The following MBTPS1 variants were observed in gnomAD, a reference collection of about 807,000 sequenced individuals.
MBTPS1 encodes membrane bound transcription factor peptidase, site 1, also known as membrane-bound transcription factor site-1 protease.
A neutral mutation model predicts 127.8 loss-of-function variants in MBTPS1; 94 were observed. That is an observed-to-expected ratio of 0.74 (90% confidence interval 0.62 to 0.87). MBTPS1 has a LOEUF of 0.87. MBTPS1 is among the 40% of genes least tolerant of loss of function. The pLI is 0.00. For synonymous variants in MBTPS1, 632 were observed against 509.4 expected (o/e 1.24, Z -3.24); for missense variants, 1,636 against 1,353.2 (o/e 1.21, Z -3.28).
At chr16:84,059,606 G>A (rs991746452) in intron 20 of MBTPS1, 178 bp from the exon 21 acceptor site, 14 of 522,804 alleles carry the variant, frequency 2.7e-5, no homozygotes, top group Admixed American at 1.7e-4. Flanking sequence ...GGTTCCTCCC[G>A]GACAATGTGT....
At chr16:84,115,944 GA>G (rs34944031) in intron 1 of MBTPS1, among the ~76,000 whole-genome samples, 119,863 of 148,348 alleles carry the variant, frequency 0.81, 48,413 homozygotes, top group East Asian at 0.87. Flanking sequence ...TCTCCAGATT[GA>G]AAAAAAAAAA....
At chr16:84,076,521 T>G (rs2085857071) in intron 11 of MBTPS1, among the ~76,000 whole-genome samples, 1 of 152,188 alleles carries the variant, frequency 6.6e-6, no homozygotes, top group Non-Finnish European at 1.5e-5. Context: ...TTCCATATGG[T>G]AGGTTAGTAC....
intron 19 of MBTPS1, among the ~76,000 whole-genome samples, chr16:84,063,063 G>T (rs1160893473): frequency 1.3e-5 from 2 of 152,280 alleles, no homozygotes; most frequent in Non-Finnish European, 2.9e-5. Context: ...GGAAGGTGAA[G>T]ATGGAGAAGA....
At chr16:84,098,943 A>G (rs2086216126) in intron 3 of MBTPS1, 110 bp downstream of exon 3, 3 of 1,112,222 alleles carry the variant, frequency 2.7e-6, no homozygotes, top group Admixed American at 2.4e-5. Context: ...CAATTAGCAA[A>G]CTAGATGGAA....
chr16:84,070,068 C>T (rs1376822050), intron 13 of MBTPS1, 30 bp from the exon 14 acceptor site: 7 of 1,538,616 alleles, frequency 4.5e-6, no homozygotes, highest in East Asian at 2.3e-5. Flanking sequence ...ACTTGAAACG[C>T]CCTCATTGTG....
intron 21 of MBTPS1, chr16:84,057,650 T>G (rs1191392747): frequency 6.6e-6 from 1 of 152,240 alleles, no homozygotes; most frequent in Admixed American, 6.5e-5. Context: ...TCTCCTGGTC[T>G]CAAATCTCTT....
Position 84,081,829 on chromosome 16 carries a change from C to A in MBTPS1, c.1366G>T (p.Val456Phe), listed in dbSNP as rs758226981. Residue 456 changes from valine (V) to phenylalanine (F), a missense_variant, in exon 11 of 23, where the codon GTC (valine) becomes TTC (phenylalanine). Val to Phe is a conservative substitution (Grantham distance 50). Coordinates refer to ENST00000343411, the MANE Select transcript of MBTPS1 (RefSeq NM_003791.4). Reference sequence around the variant, plus strand: ...CCGTGGCCTTGCTCAAACATGTTGACCCCGGGGAGCCTCCGGGCTGACGCG... The same window carrying A: ...CCGTGGCCTTGCTCAAACATGTTGAACCCGGGGAGCCTCCGGGCTGACGCG... ...LIASARRLPG[V>F]NMFEQGHGKL... The A allele has an allele frequency of 3.3e-6, 5 of 1,533,056 alleles. No homozygotes were observed. The highest frequency in any genetic ancestry group is 4.4e-6 in the Non-Finnish European group (5 of 1,138,526). The allele number at this position is 1,533,056 out of a possible 1,614,324, so 95.0% of individuals were successfully genotyped here.
chr16:84,078,484 G>C (rs530672761), intron 11 of MBTPS1, among the ~76,000 whole-genome samples: 1 of 151,564 alleles, frequency 6.6e-6, no homozygotes, highest in Admixed American at 6.6e-5. Flanking sequence ...TCTCAACCCA[G>C]ACCAGCAGTG....
Position 84,074,233 on chromosome 16 carries a change from T to C in MBTPS1, c.1593+364A>G, listed in dbSNP as rs143960148. On this transcript the variant is annotated intron_variant, in intron 12 of 22. Coordinates refer to ENST00000343411, the MANE Select transcript of MBTPS1 (RefSeq NM_003791.4). ...AGCCCTGGTACCCTAGACAGGGCTA[T>C]TTCCTTTTTTTTTTTTTCCCAGACA... Among the ~76,000 whole-genome samples, 30 of 152,060 alleles carry C rather than the reference T, an allele frequency of 2.0e-4. 1 individual carries two copies. The East Asian group carries it at 5.8e-3, about 29-fold the overall frequency.
intron 1 of MBTPS1, among the ~76,000 whole-genome samples, chr16:84,106,312 T>A (rs1023758710): frequency 4.6e-5 from 7 of 151,714 alleles, no homozygotes; most frequent in East Asian, 3.9e-4. Context: ...ATAATAATAA[T>A]AAATAAATAA....
intron 12 of MBTPS1, among the ~76,000 whole-genome samples, chr16:84,072,933 C>G (rs143723438): frequency 0.021 from 3,231 of 152,274 alleles, 65 homozygotes; most frequent in Non-Finnish European, 0.03. Context: ...TTCACACCCT[C>G]TGATTCAGGG....
At chr16:84,112,894 G>A (rs148043696) in intron 1 of MBTPS1, among the ~76,000 whole-genome samples, 1,866 of 145,408 alleles carry the variant, frequency 0.013, 24 homozygotes, top group Middle Eastern at 0.032. Context: ...AGAATCGCTT[G>A]AACCTGGGAG....
intron 12 of MBTPS1, among the ~76,000 whole-genome samples, chr16:84,073,423 C>G (rs960575152): frequency 6.6e-6 from 1 of 152,100 alleles, no homozygotes; most frequent in South Asian, 2.1e-4. Flanking sequence ...TGAGCCAACA[C>G]GCCTGGCAGC....
intron 1 of MBTPS1, among the ~76,000 whole-genome samples, chr16:84,105,921 T>C (rs1182391323): frequency 1.3e-5 from 2 of 152,152 alleles, no homozygotes; most frequent in African/African-American, 2.4e-5. Flanking sequence ...GGAGCTTACC[T>C]TCCAGTGCAG....
At chr16:84,073,515 A>C (rs2085803607) in intron 12 of MBTPS1, among the ~76,000 whole-genome samples, 1 of 152,214 alleles carries the variant, frequency 6.6e-6, no homozygotes, top group Non-Finnish European at 1.5e-5. Context: ...ATAACAAAAA[A>C]AATAAGTATT....
chr16:84,091,609 C>T lies in MBTPS1; in HGVS notation c.963+123G>A, dbSNP rs1179717493. 3 of 677,308 alleles carry T rather than the reference C, an allele frequency of 4.4e-6. No homozygotes were observed. In the Admixed American group the frequency reaches 6.7e-5, roughly 15 times the overall value. The allele number at this position is 677,308 out of a possible 1,614,324, so 42.0% of individuals were successfully genotyped here. On this transcript the variant is annotated intron_variant, in intron 7 of 22. Coordinates refer to ENST00000343411, the MANE Select transcript of MBTPS1 (RefSeq NM_003791.4). ...CACTGAAGCTCACGTCATTAGCCAT[C>T]TGTTCTCACAAAGCTGTCACCACCT...
chr16:84,069,812 C>T, intron 14 of MBTPS1, 54 bp downstream of exon 14: 1 of 1,485,248 alleles, frequency 6.7e-7, no homozygotes, highest in Non-Finnish European at 9.3e-7. Flanking sequence ...AACAGTGGTG[C>T]CTCCTCCCAC....
At chr16:84,106,715 T>C (rs1567505667) in intron 1 of MBTPS1, among the ~76,000 whole-genome samples, 1 of 152,170 alleles carries the variant, frequency 6.6e-6, no homozygotes, top group Non-Finnish European at 1.5e-5. Flanking sequence ...GCCAGATCGC[T>C]CTGGCTTCGG....
rs2085758648 is a variant in MBTPS1, at chr16:84,070,726, G to C, written c.1644C>G (p.Ala548=). The change falls in exon 13 of 23, where the codon GCC becomes GCG. Residue 548 remains alanine, a synonymous_variant. Transcript: ENST00000343411. ...GCCATAAGACCGAGGAGTAGGAGAA[G>C]GCAACTTCAATGTTGTCTCCGTTCT... ...LPQNGDNIEV[A]FSYSSVLWPW... is the part of the protein sequence containing the mutation. 6.2e-7 allele frequency: 1 copy of C among 1,614,100 alleles called. No individual in the cohort carries two copies. The highest frequency in any genetic ancestry group is 8.5e-7 in the Non-Finnish European group (1 of 1,180,006).
Sources: gnomAD v4.1 joint callset for allele counts (sites outside exome capture counted in the v4.1 genomes callset) on GRCh38, gnomAD v4.1.1 for gene constraint, MANE v1.5 for transcripts, NCBI Gene and HGNC (gene_info 2026-07-23, HGNC 2026-07-21) for gene names.